The following LRRC8B variants were observed in gnomAD, a reference collection of about 807,000 sequenced individuals.
LRRC8B encodes leucine rich repeat containing 8 VRAC subunit B.
LRRC8B carries 23 observed loss-of-function variants against 58.8 expected under a neutral mutation model. That is an observed-to-expected ratio of 0.39 (90% CI 0.28 to 0.55). The LOEUF (loss-of-function observed/expected upper bound fraction) is 0.55. Ranked by LOEUF, LRRC8B falls within the 20% of genes least tolerant of loss-of-function variation. The probability of loss-of-function intolerance (pLI) is 0.62; values close to 1 mark genes in which losing one functional copy is unlikely to be tolerated. For missense variants in LRRC8B, 694 were observed against 936.0 expected, an observed-to-expected ratio of 0.74 and a Z score of 3.37; for synonymous variants, 359 against 374.1, an observed-to-expected ratio of 0.96 and a Z score of 0.47.
chr1:89,558,154 C>T (rs1006200020), intron 1 of LRRC8B, among the ~76,000 whole-genome samples: 28 of 152,114 alleles, frequency 1.8e-4, no homozygotes, highest in Non-Finnish European at 3.5e-4. Flanking sequence ...GTGCCCACAG[C>T]GAGTCACAGG....
intron 1 of LRRC8B, among the ~76,000 whole-genome samples, chr1:89,555,635 G>A (rs1224186268): frequency 6.6e-6 from 1 of 152,168 alleles, no homozygotes; most frequent in African/African-American, 2.4e-5. Flanking sequence ...AGAACTACAG[G>A]AGCATGTTGT....
chr1:89,531,591 A>G (rs536103188), intron 1 of LRRC8B, among the ~76,000 whole-genome samples: 1 of 152,234 alleles, frequency 6.6e-6, no homozygotes, highest in South Asian at 2.1e-4. Context: ...TAGATGGTAA[A>G]TGTTTCTTTC....
At chr1:89,576,809 A>C (rs536410666) in intron 3 of LRRC8B, among the ~76,000 whole-genome samples, 1 of 152,318 alleles carries the variant, frequency 6.6e-6, no homozygotes, top group East Asian at 1.9e-4. Flanking sequence ...AAGAACTACA[A>C]AGGGACATAA....
At chr1:89,581,087 C>T (rs1304596217) in intron 4 of LRRC8B, among the ~76,000 whole-genome samples, 1 of 151,848 alleles carries the variant, frequency 6.6e-6, no homozygotes, top group Non-Finnish European at 1.5e-5. Flanking sequence ...GTCAGGAGTT[C>T]GAGACCAGCC....
At position 89,583,454 on chromosome 1, in the gene LRRC8B, G is replaced by C; in HGVS notation, c.804G>C (p.Leu268Phe). The C allele has an allele frequency of 6.2e-7, 1 of 1,614,074 alleles. No homozygotes were observed. Among genetic ancestry groups the C allele is most frequent in the Non-Finnish European group, 8.5e-7 (1 of 1,179,998 alleles). The change falls in exon 5 of 6, where the codon TTG (leucine) becomes TTC (phenylalanine). Residue 268 changes from leucine (L) to phenylalanine (F), a missense_variant. Leu to Phe is a conservative substitution (Grantham distance 22). Around this residue, in one of 5 missense-constraint regions of LRRC8B, gnomAD observed 316 missense variants for 403.8 expected, o/e 0.78. Coordinates refer to ENST00000330947, the MANE Select transcript of LRRC8B (RefSeq NM_001369817.2). This position sits in a 1 kb window ranked among gnomAD's most constrained non-coding sequence, Gnocchi z 5.2. ...AACAGATAATAGTCAAAGTCATTTTGTTTGTGCTCATCATAACTTATGTTC... is the reference window on the plus strand; with the variant it reads ...AACAGATAATAGTCAAAGTCATTTTCTTTGTGCTCATCATAACTTATGTTC... Reference protein sequence around the residue: ...YLKQIIVKVILFVLIITYVPY... With the variant: ...YLKQIIVKVIFFVLIITYVPY...
rs761089471 is a variant in LRRC8B at position 89,594,404 on chromosome 1, C to T, written c.*1361C>T. On this transcript the variant is annotated 3_prime_UTR_variant, in exon 6 of 6. Transcript: ENST00000330947. ...CTTCCATAGTTGCTGTGCAATCGTA[C>T]GGGTAAAATTCTTAATTACTTACAA... The T allele has an allele frequency of 4.6e-5, 7 of 152,190 alleles. No homozygotes were observed. Among genetic ancestry groups the T allele is most frequent in the East Asian group, 1.9e-4 (1 of 5,182 alleles). The allele number at this position is 152,190 out of a possible 1,614,324, so 9.4% of individuals were successfully genotyped here.
chr1:89,525,765 C>CT (rs375533114), intron 1 of LRRC8B, among the ~76,000 whole-genome samples: 10 of 151,656 alleles, frequency 6.6e-5, no homozygotes, highest in Non-Finnish European at 1.2e-4. Context: ...TTGTGGAAAA[C>CT]TTTTTTTTTC....
At chr1:89,554,937 A>G (rs550396196) in intron 1 of LRRC8B, among the ~76,000 whole-genome samples, 2 of 152,136 alleles carry the variant, frequency 1.3e-5, no homozygotes, top group Non-Finnish European at 2.9e-5. Flanking sequence ...TGTGTTGTGC[A>G]GCTGATTTTG....
chr1:89,560,449 A>G (rs541110997), intron 1 of LRRC8B, among the ~76,000 whole-genome samples: 3 of 151,244 alleles, frequency 2.0e-5, no homozygotes, highest in Admixed American at 1.3e-4. Context: ...GGTTAGTTAC[A>G]TATGTATACA....
intron 4 of LRRC8B, among the ~76,000 whole-genome samples, chr1:89,580,733 G>A (rs1654159002): frequency 6.6e-6 from 1 of 152,158 alleles, no homozygotes; most frequent in African/African-American, 2.4e-5. Context: ...CCACCTGTAG[G>A]TCCTAGGAGG....
chr1:89,532,186 CT>C (rs1327558552), intron 1 of LRRC8B, among the ~76,000 whole-genome samples: 1 of 152,186 alleles, frequency 6.6e-6, no homozygotes, highest in Non-Finnish European at 1.5e-5. Flanking sequence ...CCCATACCCC[CT>C]ACCCATGTTC....
intron 1 of LRRC8B, among the ~76,000 whole-genome samples, chr1:89,536,254 A>G (rs1650519080): frequency 6.6e-6 from 1 of 152,210 alleles, no homozygotes; most frequent in South Asian, 2.1e-4. Context: ...TGAGTTCCTC[A>G]GGGGATATGT....
Position 89,583,835 on chromosome 1 carries a change from A to C in LRRC8B, c.1185A>C (p.Lys395Asn). 6.2e-7 allele frequency: 1 copy of C among 1,614,206 alleles called. No homozygotes were observed. Among genetic ancestry groups the C allele is most frequent in the Non-Finnish European group, 8.5e-7 (1 of 1,180,030 alleles). The change falls in exon 5 of 6, where the codon AAA becomes AAC. Residue 395 changes from lysine (K) to asparagine (N), a missense_variant. This residue lies in a region of LRRC8B where 162 missense variants were observed against 198.5 expected (regional missense o/e 0.82). Transcript: ENST00000330947. This position sits in a 1 kb window ranked among gnomAD's most constrained non-coding sequence, Gnocchi z 5.2. ...TCCTATCAGAGGTCAGTGAGAACAA[A>C]CTGAAACAGATCAACCTCAATAATG... ...SIFLSEVSEN[K>N]LKQINLNNEW... is the part of the protein sequence containing the mutation.
chr1:89,581,193 G>T (rs1158302379), intron 4 of LRRC8B, among the ~76,000 whole-genome samples: 1 of 151,376 alleles, frequency 6.6e-6, no homozygotes, highest in African/African-American at 2.4e-5. Context: ...CAGCTGCTCG[G>T]GAGGCTGAGG....
At chr1:89,538,649 A>G (rs1211287074) in intron 1 of LRRC8B, among the ~76,000 whole-genome samples, 1 of 152,258 alleles carries the variant, frequency 6.6e-6, no homozygotes, top group East Asian at 1.9e-4. Flanking sequence ...TCCACACTGC[A>G]GCATGAGTAT....
chr1:89,572,803 T>C (rs925842085), intron 3 of LRRC8B, among the ~76,000 whole-genome samples: 11 of 152,264 alleles, frequency 7.2e-5, no homozygotes, highest in Admixed American at 5.9e-4. Flanking sequence ...TAGTGGCTTA[T>C]GCTTGTGTTA....
rs1245497194 is a variant in LRRC8B at position 89,595,287 on chromosome 1, AG to A, written c.*2245del. The A allele has an allele frequency of 6.6e-6, 1 of 152,140 alleles. No homozygotes were observed. The highest frequency in any genetic ancestry group is 2.4e-5 in the African/African-American group (1 of 41,452). 9.4% of individuals were successfully genotyped at this position (152,140 alleles called of 1,614,324 possible). ...TTTCGTTGTTATTTTCATTTTTTAA[AG>A]TGTGAGTTGATGTTTATTTTAGTGT... On this transcript the variant is annotated 3_prime_UTR_variant, in exon 6 of 6. Coordinates refer to ENST00000330947, the MANE Select transcript of LRRC8B (RefSeq NM_001369817.2).
intron 1 of LRRC8B, among the ~76,000 whole-genome samples, chr1:89,540,464 A>T (rs1650874615): frequency 6.6e-6 from 1 of 152,220 alleles, no homozygotes; most frequent in South Asian, 2.1e-4. Context: ...TGTCTGAATC[A>T]ACCCCACGCT....
chr1:89,577,017 T>C (rs908264866), intron 3 of LRRC8B, among the ~76,000 whole-genome samples: 1 of 152,214 alleles, frequency 6.6e-6, no homozygotes, highest in Non-Finnish European at 1.5e-5. Context: ...TTCAGTTAGA[T>C]ATATGTTAGT....
Sources: allele counts gnomAD v4.1 joint callset (sites outside exome capture counted in the v4.1 genomes callset), GRCh38; gene constraint gnomAD v4.1.1; regional missense constraint gnomAD v4.1.1; non-coding constraint Gnocchi (gnomAD v3.1); transcripts MANE v1.5; gene names NCBI Gene and HGNC (gene_info 2026-07-23, HGNC 2026-07-21).